The following MAP3K4 variants were observed in gnomAD, a reference collection of about 807,000 sequenced individuals.
MAP3K4 encodes the protein mitogen-activated protein kinase kinase kinase 4, also known as MAP three kinase 1.
A neutral mutation model predicts 185.6 loss-of-function variants in MAP3K4; 67 were observed. The observed-to-expected ratio is 0.36, with a 90% CI of 0.30 to 0.44. MAP3K4 has a LOEUF of 0.44. Among genes scored for constraint, MAP3K4 ranks in the 20% least tolerant of loss-of-function variants. The probability of loss-of-function intolerance (pLI) is 1.00; values close to 1 mark genes in which losing one functional copy is unlikely to be tolerated. For missense variants in MAP3K4, 1,551 were observed against 1,995.1 expected, an observed-to-expected ratio of 0.78 and a Z score of 4.24; for synonymous variants, 702 against 710.4, an observed-to-expected ratio of 0.99 and a Z score of 0.19.
chr6:161,085,516 C>T (rs1489304553), intron 7 of MAP3K4, among the ~76,000 whole-genome samples: 1 of 152,176 alleles, frequency 6.6e-6, no homozygotes, highest in African/African-American at 2.4e-5. Flanking sequence ...GGCGAAAGCT[C>T]ATATAGAACT....
chr6:161,102,998 T>C (rs533214302), intron 19 of MAP3K4, among the ~76,000 whole-genome samples: 8 of 152,216 alleles, frequency 5.3e-5, no homozygotes, highest in Non-Finnish European at 1.0e-4. Context: ...CCTTTGGGTC[T>C]ATAATATGTT....
chr6:161,026,418 A>G (rs1048836550), intron 1 of MAP3K4, among the ~76,000 whole-genome samples: 8 of 151,936 alleles, frequency 5.3e-5, no homozygotes, highest in East Asian at 3.9e-4. Flanking sequence ...TACAGGCATG[A>G]GCCACCGTGC....
intron 5 of MAP3K4, among the ~76,000 whole-genome samples, chr6:161,079,686 G>T (rs1785354418): frequency 6.6e-6 from 1 of 152,164 alleles, no homozygotes; most frequent in Non-Finnish European, 1.5e-5. Flanking sequence ...ACCAAGAAGT[G>T]AAAGGGCGGT....
chr6:161,088,040 T>G lies in MAP3K4; in HGVS notation c.2823+86T>G. ...TGTTAGCTGCTCATGAATGAGGGGTTTGACTACCCTAGTAATCACAAGTAT... is the reference window on the plus strand; with the variant it reads ...TGTTAGCTGCTCATGAATGAGGGGTGTGACTACCCTAGTAATCACAAGTAT... On this transcript the variant is annotated intron_variant, in intron 10 of 26. Transcript: ENST00000392142. This position sits in a 1 kb window ranked among gnomAD's most constrained non-coding sequence, Gnocchi z 4.5. 1.5e-6 allele frequency: 2 copies of G among 1,377,896 alleles called. No individual in the cohort carries two copies. Among genetic ancestry groups the G allele is most frequent in the Non-Finnish European group, 2.0e-6 (2 of 1,020,938 alleles). The allele number at this position is 1,377,896 out of a possible 1,614,324, so 85.4% of individuals were successfully genotyped here. A position where few individuals can be genotyped will look rare whatever the true frequency, so the allele number is the denominator to read the frequency against.
chr6:161,049,124 A>G lies in MAP3K4; in HGVS notation c.852A>G (p.Leu284=). Residue 284 remains leucine, a synonymous_variant, in exon 3 of 27, where the codon TTA becomes TTG. Coordinates refer to ENST00000392142, the MANE Select transcript of MAP3K4 (RefSeq NM_005922.4). This position sits in a 1 kb window ranked among gnomAD's most constrained non-coding sequence, Gnocchi z 8.4. ...GRTINDQDFF[L]YTARQAIPDI... ...CAATTAACGACCAGGACTTCTTTTTATATACAGCCCGTCAAGCCATCCCAG... is the reference window on the plus strand; with the variant it reads ...CAATTAACGACCAGGACTTCTTTTTGTATACAGCCCGTCAAGCCATCCCAG... The G allele has an allele frequency of 1.2e-6, 2 of 1,614,160 alleles. No homozygotes were observed. The highest frequency in any genetic ancestry group is 8.5e-7 in the Non-Finnish European group (1 of 1,180,026).
In MAP3K4 at chr6:161,076,438, G is replaced by C. The variant is rs1390975230; in HGVS notation, c.2097+2826G>C. On this transcript the variant is annotated intron_variant, in intron 5 of 26. Transcript: ENST00000392142. The surrounding 1 kb of genome is among the most constrained non-coding windows in gnomAD (Gnocchi z 4.2). ...ACCTTGGGGGCTTTACTCTGCGTTA[G>C]GACATCCACTGTACTCGAAAAACTG... Among the ~76,000 whole-genome samples the C allele has an allele frequency of 6.6e-6, 1 of 152,186 alleles. No individual in the cohort carries two copies. Among genetic ancestry groups the C allele is most frequent in the Non-Finnish European group, 1.5e-5 (1 of 68,042 alleles).
chr6:161,094,746 T>A (rs1055424525), intron 15 of MAP3K4, among the ~76,000 whole-genome samples: 1 of 152,208 alleles, frequency 6.6e-6, no homozygotes, highest in Non-Finnish European at 1.5e-5. Flanking sequence ...CTCCCAAGGT[T>A]GTCGTGAAAA....
chr6:161,073,716 C>G lies in MAP3K4; in HGVS notation c.2097+104C>G, dbSNP rs1243642978. The G allele has an allele frequency of 3.4e-6, 4 of 1,160,190 alleles. No individual in the cohort carries two copies. The allele number at this position is 1,160,190 out of a possible 1,614,324, so 71.9% of individuals were successfully genotyped here. ...TGCAAACAGCGTTGGCATACATATT[C>G]AGATAAACTTCTCTAGTAATGAATT... is the stretch of plus-strand genomic sequence containing the variant. On this transcript the variant is annotated intron_variant, in intron 5 of 26. Coordinates refer to ENST00000392142, the MANE Select transcript of MAP3K4 (RefSeq NM_005922.4). This position sits in a 1 kb window ranked among gnomAD's most constrained non-coding sequence, Gnocchi z 4.2.
rs893551115 is a variant in MAP3K4, at chr6:161,107,381, C to G, written c.4049-518C>G. Among the ~76,000 whole-genome samples, 1 of 152,156 alleles carries G rather than the reference C, an allele frequency of 6.6e-6. No homozygotes were observed. The highest frequency in any genetic ancestry group is 6.5e-5 in the Admixed American group (1 of 15,268). On this transcript the variant is annotated intron_variant, in intron 20 of 26. Transcript: ENST00000392142. The surrounding 1 kb of genome is among the most constrained non-coding windows in gnomAD (Gnocchi z 6.2). Reference sequence around the variant, plus strand: ...GAGGGCAAAAACCACTGAAAACAATCAAGTACTTTATAAATTGGATTAATT... The same window carrying G: ...GAGGGCAAAAACCACTGAAAACAATGAAGTACTTTATAAATTGGATTAATT...
chr6:160,998,901 T>G (rs1300835674), intron 1 of MAP3K4, among the ~76,000 whole-genome samples: 2 of 152,232 alleles, frequency 1.3e-5, no homozygotes, highest in East Asian at 1.9e-4. Flanking sequence ...CTTTAAATAT[T>G]TATTCACTAG....
Position 161,034,117 on chromosome 6 carries a change from A to G in MAP3K4, c.153-142A>G. ...AAAAGTTCTCCTTTTGAGTTTTCAC[A>G]GGTAAAAATGAGGAGGAGCACAGTG... On this transcript the variant is annotated intron_variant, in intron 1 of 26. Coordinates refer to ENST00000392142, the MANE Select transcript of MAP3K4 (RefSeq NM_005922.4). The surrounding 1 kb of genome is among the most constrained non-coding windows in gnomAD (Gnocchi z 4.4). 3.5e-6 allele frequency: 2 copies of G among 577,912 alleles called. No homozygotes were observed. Among genetic ancestry groups the G allele is most frequent in the Non-Finnish European group, 5.8e-6 (2 of 346,070 alleles). 35.8% of individuals were successfully genotyped at this position (577,912 alleles called of 1,614,324 possible).
chr6:160,997,366 G>A (rs1325862551), intron 1 of MAP3K4, among the ~76,000 whole-genome samples: 2 of 152,108 alleles, frequency 1.3e-5, no homozygotes, highest in African/African-American at 4.8e-5. Flanking sequence ...GTTCAAAAAG[G>A]ATCATGATGG....
rs16892149 is a variant in MAP3K4, at chr6:161,102,067, A to G, written c.3775+75A>G. The G allele has an allele frequency of 5.3e-3, 6,314 of 1,185,274 alleles. 259 individuals are homozygous for G. The African/African-American group carries it at 0.083, about 16-fold the overall frequency. 73.4% of individuals were successfully genotyped at this position (1,185,274 alleles called of 1,614,324 possible). A position where few individuals can be genotyped will look rare whatever the true frequency, so the allele number is the denominator to read the frequency against. On this transcript the variant is annotated intron_variant, in intron 18 of 26. Transcript: ENST00000392142. The stretch of plus-strand genomic sequence containing the variant: ...TCTCAGTTCACCAGTTTCTGTTGTT[A>G]ATGCCTTTATGAGGATTCCTTGAAG...
chr6:161,039,285 A>T (rs2114733869), intron 2 of MAP3K4, among the ~76,000 whole-genome samples: 1 of 151,696 alleles, frequency 6.6e-6, no homozygotes, highest in Admixed American at 6.6e-5. Context: ...AATGCAAAAA[A>T]AAAAAAAAAA....
At chr6:161,095,765 G>A (rs1777538853) in intron 15 of MAP3K4, among the ~76,000 whole-genome samples, 1 of 152,136 alleles carries the variant, frequency 6.6e-6, no homozygotes, top group Non-Finnish European at 1.5e-5. Flanking sequence ...TCTATAATCA[G>A]TGTTTACCAG....
Position 161,098,514 on chromosome 6 carries a change from T to C in MAP3K4, c.3674+87T>C. On this transcript the variant is annotated intron_variant, in intron 17 of 26. Coordinates refer to ENST00000392142, the MANE Select transcript of MAP3K4 (RefSeq NM_005922.4). The surrounding 1 kb of genome is among the most constrained non-coding windows in gnomAD (Gnocchi z 4.4). ...CCATAGTGTTAGGGTGTGTGCCGGC[T>C]GTGGTTGGGCTTCTTTGCTGTGGCG... 2 of 1,464,032 alleles carry C rather than the reference T, an allele frequency of 1.4e-6. No homozygotes were observed. Among genetic ancestry groups the C allele is most frequent in the African/African-American group, 1.4e-5 (1 of 70,772 alleles). The allele number at this position is 1,464,032 out of a possible 1,614,324, so 90.7% of individuals were successfully genotyped here. A position where few individuals can be genotyped will look rare whatever the true frequency, so the allele number is the denominator to read the frequency against.
Position 161,100,820 on chromosome 6 carries a change from C to T in MAP3K4, c.3675-1072C>T, listed in dbSNP as rs996948762. On this transcript the variant is annotated intron_variant, in intron 17 of 26. Transcript: ENST00000392142. The surrounding 1 kb of genome is among the most constrained non-coding windows in gnomAD (Gnocchi z 5.8). ...TGCTTAGGAGTGGAGTAGGCTTCCT[C>T]ACTTCAACACCAGTGGTTTTCCCGT... Among the ~76,000 whole-genome samples, 5 of 152,162 alleles carry T rather than the reference C, an allele frequency of 3.3e-5. No homozygotes were observed. Among genetic ancestry groups the T allele is most frequent in the South Asian group, 2.1e-4 (1 of 4,828 alleles).
intron 3 of MAP3K4, among the ~76,000 whole-genome samples, chr6:161,065,937 C>CAAAA (rs34648628): frequency 3.3e-4 from 26 of 78,692 alleles, no homozygotes; most frequent in South Asian, 1.1e-3. Context: ...GACTCCGTCT[C>CAAAA]AAAAAAAAAA....
chr6:161,048,239 C>T lies in MAP3K4; in HGVS notation c.344-377C>T, dbSNP rs774366694. 5.6e-6 allele frequency: 3 copies of T among 538,238 alleles called. No homozygotes were observed. In the East Asian group the frequency reaches 1.6e-4, roughly 29 times the overall value. The allele number at this position is 538,238 out of a possible 1,614,324, so 33.3% of individuals were successfully genotyped here. A position where few individuals can be genotyped will look rare whatever the true frequency, so the allele number is the denominator to read the frequency against. ...AATGCAGGAATTAAATATATTTTCT[C>T]ATCCAGGTGTCCGTCAGATCTCCCA... On this transcript the variant is annotated intron_variant, in intron 2 of 26. Coordinates refer to ENST00000392142, the MANE Select transcript of MAP3K4 (RefSeq NM_005922.4). This position sits in a 1 kb window ranked among gnomAD's most constrained non-coding sequence, Gnocchi z 4.7.
Sources: gnomAD v4.1 joint callset for allele counts (sites outside exome capture counted in the v4.1 genomes callset) on GRCh38, gnomAD v4.1.1 for gene constraint, Gnocchi (gnomAD v3.1) non-coding constraint, MANE v1.5 for transcripts, NCBI Gene and HGNC (gene_info 2026-07-23, HGNC 2026-07-21) for gene names.